The following WWP2 variants were observed in gnomAD, a reference collection of about 807,000 sequenced individuals.
The protein encoded by WWP2 is WW domain containing E3 ubiquitin protein ligase 2, also known as NEDD4-like E3 ubiquitin-protein ligase WWP2.
A neutral mutation model predicts 121.0 loss-of-function variants in WWP2; 57 were observed. That is an observed-to-expected ratio of 0.47 (90% confidence interval 0.38 to 0.59). The LOEUF is 0.59. WWP2 is among the 20% of genes least tolerant of loss of function. The pLI is 0.00. For synonymous variants in WWP2, 449 were observed against 441.3 expected (o/e 1.02, Z -0.22); for missense variants, 962 against 1,158.9 (o/e 0.83, Z 2.47).
At chr16:69,847,091 AT>A (rs79980498) in intron 6 of WWP2, among the ~76,000 whole-genome samples, 24,151 of 151,430 alleles carry the variant, frequency 0.16, 2,245 homozygotes, top group East Asian at 0.4. Context: ...TTATTTATTT[AT>A]TTTTAAATTT....
At chr16:69,889,358 T>C (rs1270414879) in intron 8 of WWP2, among the ~76,000 whole-genome samples, 1 of 152,092 alleles carries the variant, frequency 6.6e-6, no homozygotes, top group Non-Finnish European at 1.5e-5. Flanking sequence ...AGCAAAGACC[T>C]TGGATGATAA....
chr16:69,806,948 T>G (rs927582886), intron 4 of WWP2, among the ~76,000 whole-genome samples: 4 of 149,580 alleles, frequency 2.7e-5, no homozygotes, highest in African/African-American at 4.9e-5. Context: ...ATTTATTTAT[T>G]TATTTATTCA....
At chr16:69,891,051 A>G (rs920862356) in intron 8 of WWP2, among the ~76,000 whole-genome samples, 3 of 152,150 alleles carry the variant, frequency 2.0e-5, no homozygotes, top group South Asian at 2.1e-4. Flanking sequence ...TAAGATGGCT[A>G]GGAGGGCTCT....
Position 69,935,996 on chromosome 16 carries a change from C to T in WWP2, c.1976+10C>T, listed in dbSNP as rs773298119. On this transcript the variant is annotated intron_variant, in intron 18 of 23. Coordinates refer to ENST00000359154, the MANE Select transcript of WWP2 (RefSeq NM_001270454.2). The surrounding 1 kb of genome is among the most constrained non-coding windows in gnomAD (Gnocchi z 5.2). ...CCATTGTCTGGATCAAGTGAGTTCCCTGCCCCCTTGCCCCACCGCGCTGAT... is the reference window on the plus strand; with the variant it reads ...CCATTGTCTGGATCAAGTGAGTTCCTTGCCCCCTTGCCCCACCGCGCTGAT... The T allele has an allele frequency of 1.9e-6, 3 of 1,613,352 alleles. No individual in the cohort carries two copies. Among genetic ancestry groups the T allele is most frequent in the Admixed American group, 1.7e-5 (1 of 59,936 alleles).
chr16:69,898,219 G>T (rs144745923), intron 8 of WWP2, among the ~76,000 whole-genome samples: 90 of 151,866 alleles, frequency 5.9e-4, no homozygotes, highest in Middle Eastern at 6.8e-3. Flanking sequence ...GTAGAGACAG[G>T]GTTTCGCCAT....
At chr16:69,835,033 G>A (rs1242729485) in intron 4 of WWP2, among the ~76,000 whole-genome samples, 1 of 152,116 alleles carries the variant, frequency 6.6e-6, no homozygotes, top group Non-Finnish European at 1.5e-5. Context: ...GATAGAGCAG[G>A]GCTTGATGAG....
intron 4 of WWP2, among the ~76,000 whole-genome samples, chr16:69,805,619 G>GT (rs1251306373): frequency 6.0e-5 from 9 of 149,850 alleles, no homozygotes; most frequent in Middle Eastern, 3.4e-3. Context: ...AGGATGTTGA[G>GT]TTTTTTTTTG....
chr16:69,822,466 T>A (rs1051644087), intron 4 of WWP2, among the ~76,000 whole-genome samples: 13 of 152,144 alleles, frequency 8.5e-5, no homozygotes, highest in African/African-American at 2.9e-4. Flanking sequence ...TTGTGACAGA[T>A]GCGATGGAGC....
intron 2 of WWP2, among the ~76,000 whole-genome samples, chr16:69,794,739 A>G (rs1298610676): frequency 6.6e-6 from 1 of 152,208 alleles, no homozygotes; most frequent in Non-Finnish European, 1.5e-5. Flanking sequence ...TTTAAAAATC[A>G]TTGTTGCCTT....
intron 4 of WWP2, among the ~76,000 whole-genome samples, chr16:69,821,445 G>C (rs2151844982): frequency 6.6e-6 from 1 of 152,324 alleles, no homozygotes; most frequent in South Asian, 2.1e-4. Flanking sequence ...AGGCTGCCTT[G>C]TGGAGCCTCA....
chr16:69,933,058 T>C (rs1324519823), intron 16 of WWP2: 1 of 493,382 alleles, frequency 2.0e-6, no homozygotes, highest in South Asian at 1.5e-5. Context: ...CTTGGTGGGC[T>C]TCTGGTGTGG....
intron 4 of WWP2, among the ~76,000 whole-genome samples, chr16:69,831,606 A>G (rs2056795018): frequency 6.6e-6 from 1 of 152,208 alleles, no homozygotes; most frequent in Non-Finnish European, 1.5e-5. Flanking sequence ...TGCTGCACGT[A>G]CAAACTCTTC....
rs746223579 is a variant in WWP2, at chr16:69,871,853, G to A, written c.625G>A (p.Glu209Lys). ...ASARTTPATG[E>K]QSPGARSRHR... The stretch of plus-strand genomic sequence containing the variant: ...AGCCAGAACAACCCCAGCAACCGGC[G>A]AGCAAAGCCCCGGTGCTCGGAGCCG... Residue 209 changes from glutamate to lysine, a missense_variant, in exon 7 of 24, where the codon GAG (glutamate) becomes AAG (lysine). Transcript: ENST00000359154. The A allele has an allele frequency of 1.1e-5, 17 of 1,613,958 alleles. No homozygotes were observed. The Admixed American group carries it at 1.8e-4, about 17-fold the overall frequency.
At chr16:69,939,211 G>A (rs556391320) in intron 22 of WWP2, 88 bp downstream of exon 22, 233 of 1,559,134 alleles carry the variant, frequency 1.5e-4, no homozygotes, top group Non-Finnish European at 1.8e-4. Flanking sequence ...CTGGAAGCAC[G>A]TCAGTGGGAT....
rs192686545 is a variant in WWP2, at chr16:69,782,094, C to A, written c.-15-4902C>A. On this transcript the variant is annotated intron_variant, in intron 1 of 23. Coordinates refer to ENST00000359154, the MANE Select transcript of WWP2 (RefSeq NM_001270454.2). ...GGTCAGGAGTTCGAGACCAGCTTGG[C>A]CAACATGGTGAAACCCTGTCTTTAC... Among the ~76,000 whole-genome samples, 406 of 152,194 alleles carry A rather than the reference C, an allele frequency of 2.7e-3. 4 individuals carry two copies. The highest frequency in any genetic ancestry group is 9.3e-3 in the African/African-American group (387 of 41,534).
At chr16:69,924,553 C>T (rs1241616572) in intron 10 of WWP2, among the ~76,000 whole-genome samples, 1 of 152,114 alleles carries the variant, frequency 6.6e-6, no homozygotes, top group Non-Finnish European at 1.5e-5. Context: ...TGCAGTCCAT[C>T]CCCAGGGACC....
At chr16:69,903,257 G>A (rs957087864) in intron 8 of WWP2, among the ~76,000 whole-genome samples, 20 of 152,172 alleles carry the variant, frequency 1.3e-4, no homozygotes, top group Non-Finnish European at 2.4e-4. Context: ...TAAGGGAAGA[G>A]GACTCAGCAC....
chr16:69,903,908 C>T (rs919548281), intron 8 of WWP2, among the ~76,000 whole-genome samples: 1 of 152,124 alleles, frequency 6.6e-6, no homozygotes, highest in African/African-American at 2.4e-5. Flanking sequence ...GAAAAATGAG[C>T]GTACTAGTAT....
rs751603209 is a variant in WWP2 at position 69,925,475 on chromosome 16, C to G, written c.1225C>G (p.Pro409Ala). Residue 409 changes from proline to alanine, a missense_variant, in exon 11 of 24, where the codon CCT becomes GCT. This residue lies in a region of WWP2 where 606 missense variants were observed against 772.6 expected (regional missense o/e 0.78). Coordinates refer to ENST00000359154, the MANE Select transcript of WWP2 (RefSeq NM_001270454.2). The surrounding 1 kb of genome is among the most constrained non-coding windows in gnomAD (Gnocchi z 4.0). ...TDHDPLGPLP[P>A]GWEKRQDNGR... ...CCATGATCCCCTGGGCCCCCTCCCT[C>G]CTGGCTGGGGTAAGTACTGAGTTCT... 3.7e-6 allele frequency: 6 copies of G among 1,613,998 alleles called. No homozygotes were observed. Among genetic ancestry groups the G allele is most frequent in the Non-Finnish European group, 5.1e-6 (6 of 1,180,010 alleles).
Sources: gnomAD v4.1 joint callset for allele counts (sites outside exome capture counted in the v4.1 genomes callset) on GRCh38, gnomAD v4.1.1 for gene constraint, gnomAD v4.1.1 regional missense constraint, Gnocchi (gnomAD v3.1) non-coding constraint, MANE v1.5 for transcripts, NCBI Gene and HGNC (gene_info 2026-07-23, HGNC 2026-07-21) for gene names.